The following CLTCL1 variants were observed in gnomAD, a reference collection of about 807,000 sequenced individuals.
CLTCL1 encodes the protein clathrin heavy chain 2.
Under a neutral mutation model 190.0 loss-of-function variants are expected in CLTCL1, and 159 were observed. The ratio of observed to expected loss-of-function variants is 0.84; its 90% confidence interval spans 0.74 to 0.95. CLTCL1 has a LOEUF of 0.95. Ranked by LOEUF, CLTCL1 falls within the 40% of genes least tolerant of loss-of-function variation. CLTCL1 has a pLI of 0.00. For missense variants in CLTCL1, 1,878 were observed against 2,033.4 expected, an observed-to-expected ratio of 0.92 and a Z score of 1.47; for synonymous variants, 752 against 769.6, an observed-to-expected ratio of 0.98 and a Z score of 0.38.
In CLTCL1 at chr22:19,208,629, G is replaced by A. The variant is rs372576062; in HGVS notation, c.3442+293C>T. Among the ~76,000 whole-genome samples the A allele has an allele frequency of 1.2e-3, 184 of 151,740 alleles. 6 individuals carry two copies. In the South Asian group the frequency reaches 0.037, roughly 31 times the overall value. On this transcript the variant is annotated intron_variant, in intron 21 of 32. Coordinates refer to ENST00000427926, the MANE Select transcript of CLTCL1 (RefSeq NM_007098.4). ...ACTTGAAACACCAGAAGATCCCTGG[G>A]AATTGTGGGCCTGTCACTCACTTTA...
At chr22:19,247,736 T>A (rs2086464221) in intron 3 of CLTCL1, among the ~76,000 whole-genome samples, 1 of 152,024 alleles carries the variant, frequency 6.6e-6, no homozygotes, top group Admixed American at 6.5e-5. Context: ...AATTTTTGTA[T>A]TTTTAGTAAA....
At chr22:19,199,034 C>G (rs1747099738) in intron 24 of CLTCL1, among the ~76,000 whole-genome samples, 1 of 152,148 alleles carries the variant, frequency 6.6e-6, no homozygotes, top group Non-Finnish European at 1.5e-5. Context: ...CACTCTGGCG[C>G]TGGTGCGAGC....
In CLTCL1 at chr22:19,291,663, G is replaced by A; in HGVS notation, c.-22C>T. 2.2e-6 allele frequency: 3 copies of A among 1,365,732 alleles called. No individual in the cohort carries two copies. The highest frequency in any genetic ancestry group is 2.9e-6 in the Non-Finnish European group (3 of 1,046,602). The allele number at this position is 1,365,732 out of a possible 1,614,324, so 84.6% of individuals were successfully genotyped here. A position where few individuals can be genotyped will look rare whatever the true frequency, so the allele number is the denominator to read the frequency against. ...CCATGGCTGGTGCGGGACCTCGGCG[G>A]CGGCGGCGGCAGCGGCAGGAATGAA... On this transcript the variant is annotated 5_prime_UTR_variant, in exon 1 of 33. Coordinates refer to ENST00000427926, the MANE Select transcript of CLTCL1 (RefSeq NM_007098.4).
intron 29 of CLTCL1, chr22:19,184,907 C>A: frequency 1.2e-5 from 3 of 248,384 alleles, no homozygotes; most frequent in Non-Finnish European, 2.4e-5. Flanking sequence ...TGGTCCCCAT[C>A]CCTGTGTCCA....
chr22:19,184,569 G>A (rs964485241), intron 29 of CLTCL1: 1 of 455,896 alleles, frequency 2.2e-6, no homozygotes, highest in African/African-American at 2.0e-5. Context: ...ACCCTCAGGT[G>A]AGAGCTCCAG....
At chr22:19,288,798 A>C (rs1177846226) in intron 1 of CLTCL1, among the ~76,000 whole-genome samples, 6 of 152,244 alleles carry the variant, frequency 3.9e-5, no homozygotes, top group Admixed American at 3.9e-4. Flanking sequence ...GACAGATTCC[A>C]AGCTCATGCA....
intron 3 of CLTCL1, among the ~76,000 whole-genome samples, chr22:19,244,681 G>C (rs1327988625): frequency 6.6e-6 from 1 of 152,220 alleles, no homozygotes; most frequent in African/African-American, 2.4e-5. Context: ...GTGAAGGTGA[G>C]AGACCAGACC....
At chr22:19,205,706 T>C (rs1237449053) in intron 22 of CLTCL1, among the ~76,000 whole-genome samples, 1 of 152,328 alleles carries the variant, frequency 6.6e-6, no homozygotes. Flanking sequence ...TTTCAAATAT[T>C]TATGTATTAG....
intron 29 of CLTCL1, chr22:19,184,525 C>A (rs886122418): frequency 3.7e-5 from 17 of 455,924 alleles, no homozygotes; most frequent in African/African-American, 3.2e-4. Context: ...TGCCTCCTGA[C>A]CCACACTGTT....
At chr22:19,237,703 A>G (rs1555962907) in intron 5 of CLTCL1, among the ~76,000 whole-genome samples, 2 of 152,246 alleles carry the variant, frequency 1.3e-5, no homozygotes, top group Non-Finnish European at 2.9e-5. Flanking sequence ...ACAATAAAAT[A>G]CATACATTAT....
At position 19,183,423 on chromosome 22, in the gene CLTCL1, G is replaced by A. The variant is rs1189909695; in HGVS notation, c.4794C>T (p.Tyr1598=). 1.2e-6 allele frequency: 2 copies of A among 1,613,466 alleles called. No individual in the cohort carries two copies. The highest frequency in any genetic ancestry group is 8.5e-7 in the Non-Finnish European group (1 of 1,179,880). ...RHNLVDLAMP[Y]FIQVMREYLS... ...GGTACTCCCTCATCACCTGGATGAA[G>A]TAGGGCATGGCCAAGTCCACGAGGT... The change falls in exon 30 of 33, where the codon TAC becomes TAT. Residue 1598 remains tyrosine, a synonymous_variant. Transcript: ENST00000427926.
chr22:19,289,893 G>A (rs2146419839), intron 1 of CLTCL1, among the ~76,000 whole-genome samples: 1 of 152,350 alleles, frequency 6.6e-6, no homozygotes, highest in South Asian at 2.1e-4. Context: ...CAAGGCAGGA[G>A]TGGCAGGATC....
At chr22:19,238,517 G>A (rs1601613047) in intron 5 of CLTCL1, 1 of 216,456 alleles carries the variant, frequency 4.6e-6, no homozygotes, top group Non-Finnish European at 1.0e-5. Flanking sequence ...ATCCTGTCAC[G>A]AACACACTTA....
chr22:19,275,478 T>G (rs782717554), intron 2 of CLTCL1, 145 bp downstream of exon 2: 64 of 851,684 alleles, frequency 7.5e-5, no homozygotes, highest in African/African-American at 1.0e-4. Flanking sequence ...ACACTAAACA[T>G]AACTTTTGCT....
intron 29 of CLTCL1, among the ~76,000 whole-genome samples, chr22:19,186,244 C>T (rs1185938726): frequency 6.6e-6 from 1 of 152,140 alleles, no homozygotes; most frequent in East Asian, 1.9e-4. Context: ...AGGTCAAGTC[C>T]AGAGTCTTTG....
chr22:19,186,730 A>C (rs2084328048), intron 29 of CLTCL1, among the ~76,000 whole-genome samples: 1 of 151,620 alleles, frequency 6.6e-6, no homozygotes, highest in African/African-American at 2.4e-5. Flanking sequence ...CCTCCCAAGT[A>C]GCTGGGATTG....
chr22:19,261,419 C>T (rs1239074893), intron 2 of CLTCL1, among the ~76,000 whole-genome samples: 1 of 152,144 alleles, frequency 6.6e-6, no homozygotes, highest in South Asian at 2.1e-4. Context: ...CTAAGAAATA[C>T]ATTTTTAAAG....
Position 19,201,395 on chromosome 22 carries a change from G to A in CLTCL1, c.3699C>T (p.His1233=). 6.2e-7 allele frequency: 1 copy of A among 1,613,856 alleles called. No individual in the cohort carries two copies. Among genetic ancestry groups the A allele is most frequent in the Non-Finnish European group, 8.5e-7 (1 of 1,179,852 alleles). The change falls in exon 23 of 33, where the codon CAC becomes CAT. Residue 1233 remains histidine (H), a synonymous_variant. Transcript: ENST00000427926. ...CCACTGCTGCCTGATACTCACCGAG[G>A]TGAACCAAGGTGGAAGCCAGGCGGG... The part of the protein sequence containing the change: ...NFARLASTLV[H]LGEYQAAVDN...
chr22:19,214,310 C>T (rs2085320681), intron 19 of CLTCL1, among the ~76,000 whole-genome samples: 1 of 152,174 alleles, frequency 6.6e-6, no homozygotes, highest in African/African-American at 2.4e-5. Flanking sequence ...AACAAAGCAT[C>T]GGATGATGCA....
Sources: gnomAD v4.1 joint callset for allele counts (sites outside exome capture counted in the v4.1 genomes callset) on GRCh38, gnomAD v4.1.1 for gene constraint, MANE v1.5 for transcripts, NCBI Gene and HGNC (gene_info 2026-07-23, HGNC 2026-07-21) for gene names.